The following YAE1 variants were observed in gnomAD, a reference collection of about 807,000 sequenced individuals.
YAE1 encodes YAE1 maturation factor of ABCE1.
A neutral mutation model predicts 23.0 loss-of-function variants in YAE1; 22 were observed. The observed-to-expected ratio is 0.96, with a 90% confidence interval of 0.68 to 1.37. The LOEUF (loss-of-function observed/expected upper bound fraction) is 1.37, where lower values mean the gene tolerates loss of function less well. YAE1 is among the 40% of genes most tolerant of loss of function. YAE1 has a pLI of 0.00. For synonymous variants in YAE1, 101 were observed against 97.0 expected, an observed-to-expected ratio of 1.04 and a Z score of -0.24; for missense variants, 260 against 262.1, an observed-to-expected ratio of 0.99 and a Z score of 0.06.
At chr7:39,577,754 C>T (rs555676253), downstream of YAE1, among the ~76,000 whole-genome samples, 15 of 152,348 alleles carry the variant, frequency 9.8e-5, no homozygotes, top group East Asian at 2.7e-3. Flanking sequence ...GCGCCCGGTC[C>T]CATGGACTGC....
intron 2 of YAE1, among the ~76,000 whole-genome samples, chr7:39,608,828 T>C (rs1281277905): frequency 6.6e-6 from 1 of 152,216 alleles, no homozygotes; most frequent in African/African-American, 2.4e-5. Flanking sequence ...TTTTAATTAC[T>C]CTTTCACTCA....
intron 2 of YAE1, among the ~76,000 whole-genome samples, chr7:39,579,174 T>C (rs1432034963): frequency 6.6e-6 from 1 of 152,228 alleles, no homozygotes; most frequent in Non-Finnish European, 1.5e-5. Flanking sequence ...ATCCTCATAA[T>C]AGCCCTCTCC....
At chr7:39,573,124 C>T (rs547336664), downstream of YAE1, among the ~76,000 whole-genome samples, 105 of 152,206 alleles carry the variant, frequency 6.9e-4, 1 homozygote, top group South Asian at 0.02. Flanking sequence ...TAAATATAGA[C>T]ACACAGACAG....
chr7:39,584,330 G>C (rs1790783197), intron 2 of YAE1, among the ~76,000 whole-genome samples: 1 of 152,148 alleles, frequency 6.6e-6, no homozygotes, highest in African/African-American at 2.4e-5. Context: ...ACTAGCAATA[G>C]TTATGGGGAG....
intron 2 of YAE1, among the ~76,000 whole-genome samples, chr7:39,590,545 A>T (rs1001422936): frequency 2.0e-5 from 3 of 152,180 alleles, no homozygotes; most frequent in African/African-American, 7.2e-5. Flanking sequence ...TAATTTAGGG[A>T]TATTTGCATA....
At chr7:39,581,597 C>T (rs904190868) in intron 2 of YAE1, among the ~76,000 whole-genome samples, 1 of 152,142 alleles carries the variant, frequency 6.6e-6, no homozygotes, top group African/African-American at 2.4e-5. Context: ...ACCACCCTGG[C>T]ACGGTGGCTC....
At chr7:39,588,381 G>A (rs975207143) in intron 2 of YAE1, among the ~76,000 whole-genome samples, 1 of 151,890 alleles carries the variant, frequency 6.6e-6, no homozygotes, top group South Asian at 2.1e-4. Flanking sequence ...GCTTGGTGGC[G>A]TGTGCCTGTA....
At chr7:39,584,584 C>G (rs1284512291) in intron 2 of YAE1, among the ~76,000 whole-genome samples, 3 of 152,080 alleles carry the variant, frequency 2.0e-5, no homozygotes, top group African/African-American at 4.8e-5. Flanking sequence ...CGATTGACTC[C>G]TGTGGGGATG....
At chr7:39,597,423 T>A (rs989844802) in intron 2 of YAE1, among the ~76,000 whole-genome samples, 3 of 152,112 alleles carry the variant, frequency 2.0e-5, no homozygotes, top group Admixed American at 6.6e-5. Flanking sequence ...AAAATTTTTT[T>A]AAGAGGAGTT....
At chr7:39,606,091 C>T (rs1583686544) in intron 2 of YAE1, among the ~76,000 whole-genome samples, 1 of 151,640 alleles carries the variant, frequency 6.6e-6, no homozygotes, top group African/African-American at 2.4e-5. Context: ...CTTCAAAAGT[C>T]TCCTACAACT....
chr7:39,568,283 T>C (rs1162756959), intron 1 of YAE1, among the ~76,000 whole-genome samples: 3 of 151,630 alleles, frequency 2.0e-5, no homozygotes, highest in Non-Finnish European at 4.4e-5. Context: ...AGTTAATGAT[T>C]TTGAAACATC....
chr7:39,567,288 T>C (rs939521391), intron 1 of YAE1, among the ~76,000 whole-genome samples: 5 of 152,208 alleles, frequency 3.3e-5, no homozygotes, highest in African/African-American at 1.2e-4. Flanking sequence ...AAAAACCATG[T>C]TGTCAATTAC....
downstream of YAE1, among the ~76,000 whole-genome samples, chr7:39,610,849 T>C (rs1378067559): frequency 2.6e-5 from 4 of 152,142 alleles, no homozygotes; most frequent in African/African-American, 7.2e-5. Context: ...AAAATAGGAA[T>C]CATAAATTAG....
intron 2 of YAE1, among the ~76,000 whole-genome samples, chr7:39,579,127 C>G (rs551703321): frequency 9.9e-5 from 15 of 152,262 alleles, no homozygotes; most frequent in Admixed American, 7.2e-4. Context: ...TATGTAGGCA[C>G]TATATTCTAA....
At position 39,609,857 on chromosome 7, in the gene YAE1, G is replaced by GC. The variant is rs1791184183; in HGVS notation, c.493dup (p.Arg165ProfsTer33). On this transcript the variant is annotated frameshift_variant, in exon 3 of 3. Transcript: ENST00000432096. LOFTEE classifies it low-confidence loss of function (END_TRUNC). ...GCCCTGGGACGCCGAGCCACCGCCG[G>GC]CGTTTCAGACGCAAACCCCACCGCG... 1 of 1,533,246 alleles carries GC rather than the reference G, an allele frequency of 6.5e-7. No homozygotes were observed. The highest frequency in any genetic ancestry group is 1.4e-5 in the African/African-American group (1 of 72,830). The allele number at this position is 1,533,246 out of a possible 1,614,324, so 95.0% of individuals were successfully genotyped here.
downstream of YAE1, among the ~76,000 whole-genome samples, chr7:39,611,908 T>C (rs747740364): frequency 1.4e-4 from 21 of 152,200 alleles, no homozygotes; most frequent in Non-Finnish European, 2.2e-4. Context: ...AAGGTAATAG[T>C]CAAAGACAGA....
downstream of YAE1, among the ~76,000 whole-genome samples, chr7:39,575,150 G>C (rs1790633856): frequency 1.3e-5 from 2 of 152,256 alleles, no homozygotes; most frequent in South Asian, 4.1e-4. Context: ...GGCACAGCCA[G>C]AGTTTCAAGG....
intron 2 of YAE1, among the ~76,000 whole-genome samples, chr7:39,581,132 C>T (rs568986431): frequency 6.6e-6 from 1 of 152,172 alleles, no homozygotes; most frequent in African/African-American, 2.4e-5. Flanking sequence ...ACTTTGTTAA[C>T]CTACTCAAAT....
At chr7:39,569,620 ACAGTCCAGAATG>A in intron 1 of YAE1, 1 of 622,012 alleles carries the variant, frequency 1.6e-6, no homozygotes, top group Non-Finnish European at 3.1e-6. Flanking sequence ...AGTCCTAGTA[ACAGTCCAGAATG>A]CAGAGTTGCT....
Sources: gnomAD v4.1 joint callset for allele counts (sites outside exome capture counted in the v4.1 genomes callset) on GRCh38, gnomAD v4.1.1 for gene constraint, MANE v1.5 for transcripts, NCBI Gene and HGNC (gene_info 2026-07-23, HGNC 2026-07-21) for gene names.